The following WDSUB1 variants were observed in gnomAD, a reference collection of about 807,000 sequenced individuals.
WDSUB1 encodes the protein WD repeat, sterile alpha motif and U-box domain containing 1.
A neutral mutation model predicts 53.9 loss-of-function variants in WDSUB1; 49 were observed. The observed-to-expected ratio is 0.91, with a 90% CI of 0.72 to 1.15. The LOEUF is 1.15. WDSUB1 is among the 50% of genes most tolerant of loss of function. The probability of loss-of-function intolerance (pLI) is 0.00; values close to 1 mark genes in which losing one functional copy is unlikely to be tolerated. For synonymous variants in WDSUB1, 194 were observed against 200.6 expected, an observed-to-expected ratio of 0.97 and a Z score of 0.28; for missense variants, 514 against 562.0, an observed-to-expected ratio of 0.91 and a Z score of 0.86.
chr2:159,277,692 A>T (rs1046059890), intron 3 of WDSUB1, among the ~76,000 whole-genome samples: 1 of 152,188 alleles, frequency 6.6e-6, no homozygotes, highest in Admixed American at 6.5e-5. Flanking sequence ...GTATTTACAG[A>T]TAATAACAAA....
chr2:159,235,982 A>G lies in WDSUB1; in HGVS notation c.*51T>C. ...AATGTCTGATTAGTATTTACCTATA[A>G]ATCATTCAAATGAGATCACTGAAAA... On this transcript the variant is annotated 3_prime_UTR_variant, in exon 11 of 11. Coordinates refer to ENST00000359774, the MANE Select transcript of WDSUB1 (RefSeq NM_001128212.3). The G allele has an allele frequency of 6.6e-7, 1 of 1,506,904 alleles. No individual in the cohort carries two copies. Among genetic ancestry groups the G allele is most frequent in the Non-Finnish European group, 8.9e-7 (1 of 1,124,058 alleles). The allele number at this position is 1,506,904 out of a possible 1,614,324, so 93.3% of individuals were successfully genotyped here.
intron 5 of WDSUB1, among the ~76,000 whole-genome samples, chr2:159,261,882 ATATATATATATATATTTTTTTTTTTT>A (rs1322765791): frequency 6.9e-3 from 134 of 19,518 alleles, no homozygotes; most frequent in Non-Finnish European, 9.3e-3. Context: ...ATATATATAT[ATATATATATATATATTTTTTTTTTTT>A]TTTTTTTTTT....
chr2:159,278,564 T>C (rs1278176006), intron 3 of WDSUB1, among the ~76,000 whole-genome samples: 1 of 152,152 alleles, frequency 6.6e-6, no homozygotes, highest in East Asian at 1.9e-4. Flanking sequence ...ATTATACAGA[T>C]TTAATGCAGG....
chr2:159,281,870 G>C (rs1000287187), intron 2 of WDSUB1, among the ~76,000 whole-genome samples: 2 of 152,114 alleles, frequency 1.3e-5, no homozygotes, highest in African/African-American at 4.8e-5. Flanking sequence ...CCAGCAACTC[G>C]GGAGGCCGAG....
intron 2 of WDSUB1, among the ~76,000 whole-genome samples, chr2:159,280,708 A>AAAAAAAAAAAAAAAAAAAAACAAAAC (rs111752652): frequency 1.5e-5 from 2 of 134,320 alleles, no homozygotes; most frequent in African/African-American, 6.7e-5. Flanking sequence ...AAAAAAAAAA[A>AAAAAAAAAAAAAAAAAAAAACAAAAC]ATTACCCAGA....
rs1182204886 is a variant in WDSUB1 at position 159,257,807 on chromosome 2, C to A, written c.903G>T (p.Met301Ile). The A allele has an allele frequency of 6.2e-7, 1 of 1,614,172 alleles. No homozygotes were observed. Among genetic ancestry groups the A allele is most frequent in the East Asian group, 2.2e-5 (1 of 44,886 alleles). ...PNTLLLATGS[M>I]DKTVNIWQFD... ...ATTGCCAGATGTTCACTGTTTTGTCCATTGAACCAGTAGCAAGTAAAAGGG... is the reference window on the plus strand; with the variant it reads ...ATTGCCAGATGTTCACTGTTTTGTCAATTGAACCAGTAGCAAGTAAAAGGG... The change falls in exon 8 of 11, where the codon ATG (methionine) becomes ATT (isoleucine). Residue 301 changes from methionine to isoleucine, a missense_variant. By Grantham distance (10) the Met-to-Ile change is conservative (BLOSUM62 1). Transcript: ENST00000359774.
rs185504358 is a variant in WDSUB1 at position 159,274,161 on chromosome 2, A to G, written c.676+1385T>C. Among the ~76,000 whole-genome samples, 182 of 152,312 alleles carry G rather than the reference A, an allele frequency of 1.2e-3. 1 individual carries two copies. Among genetic ancestry groups the G allele is most frequent in the South Asian group, 2.7e-3 (13 of 4,828 alleles). On this transcript the variant is annotated intron_variant, in intron 4 of 10. Transcript: ENST00000359774. ...AAGTATAAAAGAATAACAGCCCAGC[A>G]TACAAAGAGACAGGGGTACAGCCAA...
rs547267265 is a variant in WDSUB1 at position 159,241,090 on chromosome 2, A to C, written c.1274-4900T>G. Among the ~76,000 whole-genome samples the C allele has an allele frequency of 9.2e-5, 14 of 152,344 alleles. No individual in the cohort carries two copies. In the East Asian group the frequency reaches 2.5e-3, roughly 27 times the overall value. ...GCATACCTGAAGTCAGAGTATAACC[A>C]AGTATAACCCAACACGGTGAAGGCT... On this transcript the variant is annotated intron_variant, in intron 10 of 10. Coordinates refer to ENST00000359774, the MANE Select transcript of WDSUB1 (RefSeq NM_001128212.3).
At chr2:159,282,197 A>T (rs113125429) in intron 2 of WDSUB1, among the ~76,000 whole-genome samples, 12,602 of 135,080 alleles carry the variant, frequency 0.093, 1,109 homozygotes, top group African/African-American at 0.29. Context: ...GTTAAAAAAA[A>T]TTTTTTTTTT....
intron 3 of WDSUB1, among the ~76,000 whole-genome samples, 157 bp from the exon 4 acceptor site, chr2:159,275,795 G>A (rs1397053918): frequency 6.6e-6 from 1 of 152,124 alleles, no homozygotes; most frequent in East Asian, 1.9e-4. Flanking sequence ...GCTGATTAAA[G>A]AATTTCTTTT....
intron 5 of WDSUB1, among the ~76,000 whole-genome samples, chr2:159,266,083 A>G (rs759677958): frequency 1.3e-5 from 2 of 152,260 alleles, no homozygotes; most frequent in Non-Finnish European, 2.9e-5. Context: ...TGAATTTAAA[A>G]TATTTCAGAA....
intron 5 of WDSUB1, among the ~76,000 whole-genome samples, chr2:159,265,040 C>T (rs113733184): frequency 0.018 from 2,720 of 149,932 alleles, 45 homozygotes; most frequent in Non-Finnish European, 0.031. Flanking sequence ...GCTGAGATCG[C>T]GCCATTGCAG....
chr2:159,266,334 A>G (rs928547436), intron 5 of WDSUB1, among the ~76,000 whole-genome samples: 11 of 150,648 alleles, frequency 7.3e-5, no homozygotes, highest in South Asian at 2.1e-4. Flanking sequence ...GACTACAGGC[A>G]CCCGCCACAA....
At chr2:159,260,967 A>G (rs10210617) in intron 5 of WDSUB1, among the ~76,000 whole-genome samples, 12,590 of 152,236 alleles carry the variant, frequency 0.083, 1,162 homozygotes, top group African/African-American at 0.22. Flanking sequence ...TTGATGATGG[A>G]TACTGACTAC....
At chr2:159,283,332 G>A (rs1369896583) in intron 1 of WDSUB1, among the ~76,000 whole-genome samples, 1 of 152,120 alleles carries the variant, frequency 6.6e-6, no homozygotes, top group South Asian at 2.1e-4. Context: ...CAGATCATCC[G>A]GCATTAGATT....
chr2:159,268,435 C>G (rs1367127687), intron 5 of WDSUB1, among the ~76,000 whole-genome samples: 1 of 152,164 alleles, frequency 6.6e-6, no homozygotes, highest in Non-Finnish European at 1.5e-5. Flanking sequence ...GATGAATAAT[C>G]TTCATCTTTA....
chr2:159,259,036 A>ATTTTTTTTTTTTTTTTTTTTTTTTTT (rs1553629127), intron 6 of WDSUB1, among the ~76,000 whole-genome samples: 1 of 150,612 alleles, frequency 6.6e-6, no homozygotes, highest in African/African-American at 2.4e-5. Flanking sequence ...CAACTACTTT[A>ATTTTTTTTTTTTTTTTTTTTTTTTTT]TTTTTGAGAC....
chr2:159,266,542 A>G (rs558541990), intron 5 of WDSUB1, among the ~76,000 whole-genome samples: 1 of 152,258 alleles, frequency 6.6e-6, no homozygotes, highest in South Asian at 2.1e-4. Flanking sequence ...AAGTATAAGA[A>G]CCACTGACCT....
intron 10 of WDSUB1, among the ~76,000 whole-genome samples, chr2:159,237,725 T>C (rs1291627402): frequency 1.6e-5 from 1 of 61,012 alleles, no homozygotes; most frequent in East Asian, 3.0e-4. Flanking sequence ...GTGTGTTTAT[T>C]TTCCCCACAG....
Sources: gnomAD v4.1 joint callset for allele counts (sites outside exome capture counted in the v4.1 genomes callset) on GRCh38, gnomAD v4.1.1 for gene constraint, MANE v1.5 for transcripts, NCBI Gene and HGNC (gene_info 2026-07-23, HGNC 2026-07-21) for gene names.